Variants in SLC35E1 observed in about 807,000 individuals in gnomAD.
The protein encoded by SLC35E1 is solute carrier family 35, member E1.
SLC35E1 carries 12 observed loss-of-function variants against 31.0 expected under a neutral mutation model. The ratio of observed to expected loss-of-function variants is 0.39; its 90% CI spans 0.25 to 0.63. The LOEUF (loss-of-function observed/expected upper bound fraction) is 0.63, where lower values mean the gene tolerates loss of function less well. Ranked by LOEUF, SLC35E1 falls within the 20% of genes least tolerant of loss-of-function variation. The pLI, the probability that SLC35E1 is intolerant of heterozygous loss-of-function variation, is 0.52. For missense variants in SLC35E1, 429 were observed against 572.2 expected, an observed-to-expected ratio of 0.75 and a Z score of 2.55; for synonymous variants, 257 against 264.1, an observed-to-expected ratio of 0.97 and a Z score of 0.26.
chr19:16,552,262 T>A lies in SLC35E1; in HGVS notation c.*1417A>T, dbSNP rs1174161366. 1 of 152,028 alleles carries A rather than the reference T, an allele frequency of 6.6e-6. No individual in the cohort carries two copies. Among genetic ancestry groups the A allele is most frequent in the Non-Finnish European group, 1.5e-5 (1 of 67,994 alleles). The allele number at this position is 152,028 out of a possible 1,614,324, so 9.4% of individuals were successfully genotyped here. ...GCAATTGTGACAATTTTGAAGCTTC[T>A]CTCGAAGCTTCGAAACACTTCATTT... is the stretch of plus-strand genomic sequence containing the variant. On this transcript the variant is annotated 3_prime_UTR_variant, in exon 6 of 6. Coordinates refer to ENST00000595753, the MANE Select transcript of SLC35E1 (RefSeq NM_024881.5).
At position 16,555,702 on chromosome 19, in the gene SLC35E1, A is replaced by G. The variant is rs2085872313; in HGVS notation, c.757-305T>C. On this transcript the variant is annotated intron_variant, in intron 4 of 5. Coordinates refer to ENST00000595753, the MANE Select transcript of SLC35E1 (RefSeq NM_024881.5). The surrounding 1 kb of genome is among the most constrained non-coding windows in gnomAD (Gnocchi z 4.1). ...GCCAAAGCCTTCCCTGGCAGTGAAC[A>G]GCCAGGAACCCTGGGTTTGGCAAAG... 2.7e-6 allele frequency: 1 copy of G among 370,190 alleles called. No individual in the cohort carries two copies. Among genetic ancestry groups the G allele is most frequent in the African/African-American group, 2.0e-5 (1 of 48,800 alleles). 22.9% of individuals were successfully genotyped at this position (370,190 alleles called of 1,614,324 possible).
rs1055714318 is a variant in SLC35E1 at position 16,572,353 on chromosome 19, G to C, written c.12C>G (p.Ala4=). 1 of 1,034,538 alleles carries C rather than the reference G, an allele frequency of 9.7e-7. No individual in the cohort carries two copies. The highest frequency in any genetic ancestry group is 9.6e-5 in the East Asian group (1 of 10,430). The allele number at this position is 1,034,538 out of a possible 1,614,324, so 64.1% of individuals were successfully genotyped here. The stretch of plus-strand genomic sequence containing the variant: ...CCGCGCCGTGGCCCGCGCCCACCGC[G>C]GCCGCCGCCATCCTGCCCGAGCGGC... MAA[A]AVGAGHGAGG... is the part of the protein sequence containing the mutation. The change falls in exon 1 of 6, where the codon GCC becomes GCG. Residue 4 remains alanine, a synonymous_variant. Coordinates refer to ENST00000595753, the MANE Select transcript of SLC35E1 (RefSeq NM_024881.5). This position sits in a 1 kb window ranked among gnomAD's most constrained non-coding sequence, Gnocchi z 4.1.
At chr19:16,561,371 A>G (rs1398248275) in intron 4 of SLC35E1, among the ~76,000 whole-genome samples, 2 of 151,970 alleles carry the variant, frequency 1.3e-5, no homozygotes, top group Admixed American at 6.6e-5. Flanking sequence ...GCCCACATCT[A>G]CCTTCTGAGC....
At position 16,555,254 on chromosome 19, in the gene SLC35E1, G is replaced by A. The variant is rs2085869802; in HGVS notation, c.900C>T (p.Ile300=). 6.2e-7 allele frequency: 1 copy of A among 1,614,216 alleles called. No homozygotes were observed. Among genetic ancestry groups the A allele is most frequent in the East Asian group, 2.2e-5 (1 of 44,888 alleles). The part of the protein sequence containing the change: ...SYSVANATKR[I]MVITVSLIML... ...TGATCAGGGACACCGTGATGACCAT[G>A]ATTCTTTTGGTGGCATTGGCGACCG... is the stretch of plus-strand genomic sequence containing the variant. Residue 300 remains isoleucine, a synonymous_variant, in exon 5 of 6, where the codon ATC becomes ATT. Coordinates refer to ENST00000595753, the MANE Select transcript of SLC35E1 (RefSeq NM_024881.5). This position sits in a 1 kb window ranked among gnomAD's most constrained non-coding sequence, Gnocchi z 4.1.
At chr19:16,566,355 T>G in intron 4 of SLC35E1, 177 bp downstream of exon 4, 1 of 789,514 alleles carries the variant, frequency 1.3e-6, no homozygotes, top group South Asian at 1.9e-5. Flanking sequence ...GAAACCCACT[T>G]CCTCGATGGC....
At position 16,567,204 on chromosome 19, in the gene SLC35E1, G is replaced by A. The variant is rs535642557; in HGVS notation, c.631-547C>T. 6.6e-4 allele frequency among the ~76,000 whole-genome samples: 101 copies of A among 151,898 alleles called. 1 individual carries two copies. The highest frequency in any genetic ancestry group is 2.2e-4 in the Non-Finnish European group (15 of 67,936). ...TAAGAGCAATTTTTTTTTTTGAGACGGGGTCTCACTCTATTCCTATTGCCT... is the reference window on the plus strand; with the variant it reads ...TAAGAGCAATTTTTTTTTTTGAGACAGGGTCTCACTCTATTCCTATTGCCT... On this transcript the variant is annotated intron_variant, in intron 3 of 5. Coordinates refer to ENST00000595753, the MANE Select transcript of SLC35E1 (RefSeq NM_024881.5).
rs754006311 is a variant in SLC35E1, at chr19:16,551,752, CTTT to C, written c.*1924_*1926del. Reference sequence around the variant, plus strand: ...TTTCTGCCAAGACCCAAACTGATTCCTTTTTTTTTTTTTTTTTTTTGAGACAGA... The same window carrying C: ...TTTCTGCCAAGACCCAAACTGATTCCTTTTTTTTTTTTTTTTTGAGACAGA... On this transcript the variant is annotated 3_prime_UTR_variant, in exon 6 of 6. Transcript: ENST00000595753. 7.8e-5 allele frequency: 10 copies of C among 128,226 alleles called. No individual in the cohort carries two copies. Among genetic ancestry groups the C allele is most frequent in the Admixed American group, 7.9e-5 (1 of 12,730 alleles). 7.9% of individuals were successfully genotyped at this position (128,226 alleles called of 1,614,324 possible).
chr19:16,557,300 T>C (rs564951074), intron 4 of SLC35E1, among the ~76,000 whole-genome samples: 99 of 151,970 alleles, frequency 6.5e-4, no homozygotes, highest in Non-Finnish European at 7.7e-4. Context: ...TTCACGCCAT[T>C]CTCCTGCCTC....
rs1434498328 is a variant in SLC35E1, at chr19:16,553,524, G to A, written c.*155C>T. The A allele has an allele frequency of 2.0e-5, 12 of 607,128 alleles. No individual in the cohort carries two copies. The highest frequency in any genetic ancestry group is 7.5e-5 in the African/African-American group (4 of 52,988). 37.6% of individuals were successfully genotyped at this position (607,128 alleles called of 1,614,324 possible). On this transcript the variant is annotated 3_prime_UTR_variant, in exon 6 of 6. Coordinates refer to ENST00000595753, the MANE Select transcript of SLC35E1 (RefSeq NM_024881.5). ...CACTGCAGGCAACGCATCCTCCTGC[G>A]GCTCACGGGGGGCCAGGAACCCCAG...
At chr19:16,565,371 T>C in intron 4 of SLC35E1, 1 of 316,588 alleles carries the variant, frequency 3.2e-6, no homozygotes, top group Non-Finnish European at 6.2e-6. Context: ...CCACCACGCC[T>C]GGCTAATTTT....
At chr19:16,558,775 T>G (rs1034767630) in intron 4 of SLC35E1, among the ~76,000 whole-genome samples, 2 of 150,514 alleles carry the variant, frequency 1.3e-5, no homozygotes, top group African/African-American at 4.9e-5. Context: ...TTGAGTTTTT[T>G]TTTTTTTTTT....
intron 4 of SLC35E1, among the ~76,000 whole-genome samples, chr19:16,556,713 T>C (rs1399329485): frequency 6.6e-6 from 1 of 152,220 alleles, no homozygotes; most frequent in Non-Finnish European, 1.5e-5. Flanking sequence ...CACGCTGACC[T>C]TGGCCACAGG....
chr19:16,558,809 G>T (rs1315053638), intron 4 of SLC35E1, among the ~76,000 whole-genome samples: 4 of 134,060 alleles, frequency 3.0e-5, no homozygotes, highest in Non-Finnish European at 4.7e-5. Context: ...TCGCTCTGTC[G>T]CCCAGGCTGG....
intron 4 of SLC35E1, chr19:16,566,309 C>G: frequency 1.8e-6 from 1 of 553,164 alleles, no homozygotes; most frequent in East Asian, 3.2e-5. Flanking sequence ...GCTATCAGCA[C>G]CTGGGATCAA....
intron 2 of SLC35E1, among the ~76,000 whole-genome samples, chr19:16,571,310 G>C (rs1338363060): frequency 6.6e-6 from 1 of 152,048 alleles, no homozygotes; most frequent in Non-Finnish European, 1.5e-5. Flanking sequence ...ATCACAGAGG[G>C]ACACATACTC....
At chr19:16,571,171 C>G (rs1453383896) in intron 2 of SLC35E1, among the ~76,000 whole-genome samples, 1 of 151,980 alleles carries the variant, frequency 6.6e-6, no homozygotes, top group East Asian at 1.9e-4. Flanking sequence ...CTGGAAAGGC[C>G]ACACATGGGG....
intron 3 of SLC35E1, among the ~76,000 whole-genome samples, chr19:16,566,995 A>G: frequency 6.6e-6 from 1 of 152,242 alleles, no homozygotes; most frequent in East Asian, 1.9e-4. Context: ...ATTAAGAGTG[A>G]TTAACGTTTC....
chr19:16,565,206 T>C (rs2085925605), intron 4 of SLC35E1: 1 of 420,810 alleles, frequency 2.4e-6, no homozygotes, highest in Non-Finnish European at 4.6e-6. Flanking sequence ...TGCACAGTTT[T>C]CTTTCTTTCT....
intron 4 of SLC35E1, among the ~76,000 whole-genome samples, chr19:16,560,740 C>T (rs1276508241): frequency 6.7e-6 from 1 of 150,038 alleles, no homozygotes; most frequent in East Asian, 2.0e-4. Flanking sequence ...TGCGCGCCTA[C>T]AATTCCAGCT....
Sources: allele counts gnomAD v4.1 joint callset (sites outside exome capture counted in the v4.1 genomes callset), GRCh38; gene constraint gnomAD v4.1.1; non-coding constraint Gnocchi (gnomAD v3.1); transcripts MANE v1.5; gene names NCBI Gene and HGNC (gene_info 2026-07-23, HGNC 2026-07-21).